FZD6: variants seen among roughly 807,000 people sequenced by gnomAD.
The protein encoded by FZD6 is frizzled-6.
FZD6 carries 49 observed loss-of-function variants against 61.4 expected under a neutral mutation model. The ratio of observed to expected loss-of-function variants is 0.80; its 90% confidence interval spans 0.63 to 1.01. The LOEUF is 1.01. Ranked by LOEUF, FZD6 falls within the 50% of genes least tolerant of loss-of-function variation. The probability of loss-of-function intolerance (pLI) is 0.00; values close to 1 mark genes in which losing one functional copy is unlikely to be tolerated. For missense variants in FZD6, 724 were observed against 848.2 expected, an observed-to-expected ratio of 0.85 and a Z score of 1.82; for synonymous variants, 265 against 292.2, an observed-to-expected ratio of 0.91 and a Z score of 0.95.
chr8:103,328,104 T>TA, intron 4 of FZD6, among the ~76,000 whole-genome samples, 164 bp from the exon 5 acceptor site: 1 of 152,326 alleles, frequency 6.6e-6, no homozygotes, highest in South Asian at 2.1e-4. Context: ...AGCATTTAGA[T>TA]AAAAAATGTG....
At position 103,329,892 on chromosome 8, in the gene FZD6, A is replaced by G. The variant is rs142842166; in HGVS notation, c.1779A>G (p.Pro593=). Residue 593 remains proline (P), a synonymous_variant, in exon 6 of 7, where the codon CCA becomes CCG. Transcript: ENST00000358755. ...CTTTGACAGAAATCCAAACCTCACC[A>G]GAAACATCAATGAGAGAGGTGAAAG... ...QETLTEIQTS[P]ETSMREVKAD... 64 of 1,614,072 alleles carry G rather than the reference A, an allele frequency of 4.0e-5. No individual in the cohort carries two copies. The highest frequency in any genetic ancestry group is 5.1e-5 in the Non-Finnish European group (60 of 1,180,026).
intron 2 of FZD6, chr8:103,308,001 A>C (rs923676212): frequency 6.6e-6 from 3 of 454,050 alleles, no homozygotes; most frequent in African/African-American, 6.0e-5. Flanking sequence ...CTGGAACATG[A>C]TACCATATTG....
At position 103,331,408 on chromosome 8, in the gene FZD6, T is replaced by A; in HGVS notation, c.2020T>A (p.Ser674Thr). The change falls in exon 7 of 7, where the codon TCT becomes ACT. Residue 674 changes from serine (S) to threonine (T), a missense_variant. Ser to Thr is a moderately conservative substitution (Grantham distance 58). Coordinates refer to ENST00000358755, the MANE Select transcript of FZD6 (RefSeq NM_003506.4). ...AQSNNLQVPS[S>T]SEPSSLKGST... is the part of the protein sequence containing the mutation. ...GAGCAACAATTTGCAGGTCCCCAGT[T>A]CTTCAGAACCAAGCAGCCTCAAAGG... 2 of 1,611,006 alleles carry A rather than the reference T, an allele frequency of 1.2e-6. No homozygotes were observed. The highest frequency in any genetic ancestry group is 1.7e-6 in the Non-Finnish European group (2 of 1,177,180).
chr8:103,298,708 T>TCCTGGCGGGC (rs1563681508), upstream of FZD6: 4 of 150,972 alleles, frequency 2.6e-5, no homozygotes, highest in African/African-American at 9.7e-5. Flanking sequence ...CGGGGCCGGG[T>TCCTGGCGGGC]CCTGGCGGGC....
intron 3 of FZD6, among the ~76,000 whole-genome samples, chr8:103,320,707 G>A (rs914772680): frequency 3.3e-5 from 5 of 152,076 alleles, no homozygotes; most frequent in Admixed American, 6.6e-5. Flanking sequence ...GTACTTGCAG[G>A]TTGTGGCAGG....
At chr8:103,313,275 C>T (rs1814545601) in intron 2 of FZD6, among the ~76,000 whole-genome samples, 1 of 152,124 alleles carries the variant, frequency 6.6e-6, no homozygotes, top group African/African-American at 2.4e-5. Context: ...TTATCAGTAG[C>T]CATAGAATTG....
chr8:103,332,614 A>G lies in FZD6; in HGVS notation c.*1105A>G, dbSNP rs1487135833. 1 of 152,552 alleles carries G rather than the reference A, an allele frequency of 6.6e-6. No homozygotes were observed. Among genetic ancestry groups the G allele is most frequent in the East Asian group, 1.9e-4 (1 of 5,190 alleles). 9.4% of individuals were successfully genotyped at this position (152,552 alleles called of 1,614,324 possible). A position where few individuals can be genotyped will look rare whatever the true frequency, so the allele number is the denominator to read the frequency against. ...TACAACATACTTTAAAATATTAAGG[A>G]GTTTTCTTAATTTTGTTTCCTATTA... is the stretch of plus-strand genomic sequence containing the variant. On this transcript the variant is annotated 3_prime_UTR_variant, in exon 7 of 7. Transcript: ENST00000358755.
intron 2 of FZD6, among the ~76,000 whole-genome samples, chr8:103,313,060 T>C (rs1814540687): frequency 6.6e-6 from 1 of 152,180 alleles, no homozygotes; most frequent in South Asian, 2.1e-4. Flanking sequence ...GAGGACATAC[T>C]CTGGAGTCCT....
Position 103,325,416 on chromosome 8 carries a change from A to G in FZD6, c.1310A>G (p.Tyr437Cys). The change falls in exon 4 of 7, where the codon TAT becomes TGT. Residue 437 changes from tyrosine to cysteine, a missense_variant. Transcript: ENST00000358755. ...PLVTLLGCYV[Y>C]EQVNRITWEI... ...GTGACACTTCTCGGATGTTACGTCTATGAGCAAGTGAACAGGATTACCTGG... is the reference window on the plus strand; with the variant it reads ...GTGACACTTCTCGGATGTTACGTCTGTGAGCAAGTGAACAGGATTACCTGG... 6.2e-7 allele frequency: 1 copy of G among 1,613,524 alleles called. No homozygotes were observed. Among genetic ancestry groups the G allele is most frequent in the Non-Finnish European group, 8.5e-7 (1 of 1,179,456 alleles).
intron 3 of FZD6, among the ~76,000 whole-genome samples, chr8:103,321,138 G>T (rs1334595939): frequency 6.6e-6 from 1 of 152,164 alleles, no homozygotes; most frequent in Non-Finnish European, 1.5e-5. Context: ...TGGCACCTAT[G>T]CTTAATTTCT....
chr8:103,325,995 CA>C lies in FZD6; in HGVS notation c.1392+501del, dbSNP rs1262514637. On this transcript the variant is annotated intron_variant, in intron 4 of 6. Coordinates refer to ENST00000358755, the MANE Select transcript of FZD6 (RefSeq NM_003506.4). ...TCAATTGAAAAAAACACAGTTGTAA[CA>C]AAATATGCTTTATCTATTTCTGATT... Among the ~76,000 whole-genome samples the C allele has an allele frequency of 1.3e-4, 20 of 152,086 alleles. No individual in the cohort carries two copies. In the East Asian group the frequency reaches 3.7e-3, roughly 28 times the overall value.
rs1332307634 is a variant in FZD6, at chr8:103,332,045, A to G, written c.*536A>G. 6.5e-6 allele frequency: 1 copy of G among 153,496 alleles called. No individual in the cohort carries two copies. Among genetic ancestry groups the G allele is most frequent in the East Asian group, 1.9e-4 (1 of 5,232 alleles). The allele number at this position is 153,496 out of a possible 1,614,324, so 9.5% of individuals were successfully genotyped here. A position where few individuals can be genotyped will look rare whatever the true frequency, so the allele number is the denominator to read the frequency against. ...GAAAATTGTAAAATAGTCTTCTTTT[A>G]TACTGTAAAAAAAGATATACCAAAA... On this transcript the variant is annotated 3_prime_UTR_variant, in exon 7 of 7. Transcript: ENST00000358755.
At chr8:103,299,644 A>G (rs1350989716) in intron 1 of FZD6, among the ~76,000 whole-genome samples, 2 of 152,118 alleles carry the variant, frequency 1.3e-5, no homozygotes, top group Non-Finnish European at 2.9e-5. Context: ...GTATGCTTAT[A>G]TTAATCCTTT....
chr8:103,299,671 C>A (rs1459837840), intron 1 of FZD6, among the ~76,000 whole-genome samples: 1 of 152,176 alleles, frequency 6.6e-6, no homozygotes, highest in Non-Finnish European at 1.5e-5. Flanking sequence ...TACTCCGAAT[C>A]ACCAGCTTTC....
At chr8:103,322,583 CTTGA>C (rs553569235) in intron 3 of FZD6, among the ~76,000 whole-genome samples, 3 of 152,036 alleles carry the variant, frequency 2.0e-5, no homozygotes, top group Non-Finnish European at 4.4e-5. Flanking sequence ...CCACATTAGT[CTTGA>C]TTAATTTTTT....
chr8:103,331,533 GA>G lies in FZD6; in HGVS notation c.*26del. ...GAAGAACATTTTCTCTCGTTACTCA[GA>G]AGCAAATTTGTGTTACACTGGAAGT... On this transcript the variant is annotated 3_prime_UTR_variant, in exon 7 of 7. Coordinates refer to ENST00000358755, the MANE Select transcript of FZD6 (RefSeq NM_003506.4). 1.3e-6 allele frequency: 2 copies of G among 1,545,214 alleles called. No individual in the cohort carries two copies. The highest frequency in any genetic ancestry group is 1.8e-6 in the Non-Finnish European group (2 of 1,117,870).
Position 103,320,833 on chromosome 8 carries a change from CA to C in FZD6, c.374+2048del, listed in dbSNP as rs558639078. On this transcript the variant is annotated intron_variant, in intron 3 of 6. Transcript: ENST00000358755. ...GTGGATAGCTTATTCTTGGTCAAGT[CA>C]CCAAGGATGATGACAGCAAAAGGAA... Among the ~76,000 whole-genome samples the C allele has an allele frequency of 9.6e-4, 146 of 152,180 alleles. 1 individual carries two copies. The highest frequency in any genetic ancestry group is 3.4e-3 in the African/African-American group (141 of 41,508).
At chr8:103,321,684 G>A (rs1814792109) in intron 3 of FZD6, among the ~76,000 whole-genome samples, 1 of 152,156 alleles carries the variant, frequency 6.6e-6, no homozygotes, top group African/African-American at 2.4e-5. Flanking sequence ...CATTCTTTGA[G>A]GTCTGTAGTT....
chr8:103,311,422 T>G (rs1178285300), intron 2 of FZD6, among the ~76,000 whole-genome samples: 1 of 152,080 alleles, frequency 6.6e-6, no homozygotes, highest in Non-Finnish European at 1.5e-5. Context: ...ATAGTAAATA[T>G]TCACTCTAGA....
Sources: allele counts gnomAD v4.1 joint callset (sites outside exome capture counted in the v4.1 genomes callset), GRCh38; gene constraint gnomAD v4.1.1; transcripts MANE v1.5; gene names NCBI Gene and HGNC (gene_info 2026-07-23, HGNC 2026-07-21).